The following SORL1 variants were observed in gnomAD, a reference collection of about 807,000 sequenced individuals.
The protein encoded by SORL1 is sortilin related receptor 1, also known as sortilin-related receptor.
A neutral mutation model predicts 273.7 loss-of-function variants in SORL1; 127 were observed. That is an observed-to-expected ratio of 0.46 (90% confidence interval 0.40 to 0.54). The LOEUF is 0.54. Among genes scored for constraint, SORL1 ranks in the 20% least tolerant of loss-of-function variants. The pLI is 0.00. For synonymous variants in SORL1, 1,031 were observed against 1,067.4 expected, an observed-to-expected ratio of 0.97 and a Z score of 0.66; for missense variants, 2,494 against 2,846.1, an observed-to-expected ratio of 0.88 and a Z score of 2.81.
chr11:121,489,453 A>C (rs1291989045), intron 4 of SORL1, among the ~76,000 whole-genome samples: 1 of 152,136 alleles, frequency 6.6e-6, no homozygotes, highest in Non-Finnish European at 1.5e-5. Flanking sequence ...TACTCTAGGT[A>C]CCTCCTAAGT....
intron 21 of SORL1, 102 bp from the exon 22 acceptor site, chr11:121,566,838 C>A: frequency 1.7e-6 from 2 of 1,156,350 alleles, no homozygotes; most frequent in African/African-American, 1.5e-5. Context: ...TCTCGCTGTC[C>A]TTTCCGTAAG....
Position 121,606,827 on chromosome 11 carries a change from A to G in SORL1, c.4949-18A>G, listed in dbSNP as rs981653419. The G allele has an allele frequency of 6.3e-7, 1 of 1,575,750 alleles. No individual in the cohort carries two copies. Among genetic ancestry groups the G allele is most frequent in the Non-Finnish European group, 8.7e-7 (1 of 1,152,320 alleles). Reference sequence around the variant, plus strand: ...GCTATGCAGATGGGTTTTAACCTTGAGTTGACTCTTTTTCTAGTGCCAGAT... The same window carrying G: ...GCTATGCAGATGGGTTTTAACCTTGGGTTGACTCTTTTTCTAGTGCCAGAT... On this transcript the variant is annotated intron_variant, in intron 35 of 47. Transcript: ENST00000260197.
intron 1 of SORL1, among the ~76,000 whole-genome samples, chr11:121,469,556 C>T (rs546252720): frequency 6.6e-6 from 1 of 152,198 alleles, no homozygotes; most frequent in Non-Finnish European, 1.5e-5. Flanking sequence ...ACAGTACCAC[C>T]AAGCCAGAAA....
Position 121,511,838 on chromosome 11 carries a change from A to G in SORL1, c.940-1165A>G, listed in dbSNP as rs1861882674. Among the ~76,000 whole-genome samples the G allele has an allele frequency of 2.0e-5, 3 of 152,232 alleles. No homozygotes were observed. In the South Asian group the frequency reaches 6.2e-4, roughly 32 times the overall value. On this transcript the variant is annotated intron_variant, in intron 6 of 47. Transcript: ENST00000260197. ...GTTATATTGCAGATAAAATAAATGGATATGTTCCTTACTCTATAGGAAGTT... is the reference window on the plus strand; with the variant it reads ...GTTATATTGCAGATAAAATAAATGGGTATGTTCCTTACTCTATAGGAAGTT...
At chr11:121,480,906 T>C (rs1354634123) in intron 3 of SORL1, among the ~76,000 whole-genome samples, 1 of 136,476 alleles carries the variant, frequency 7.3e-6, no homozygotes, top group Non-Finnish European at 1.6e-5. Flanking sequence ...CAGATACCTA[T>C]AGGCAGGCTT....
At chr11:121,480,821 C>T (rs2134799258) in intron 3 of SORL1, among the ~76,000 whole-genome samples, 1 of 149,260 alleles carries the variant, frequency 6.7e-6, no homozygotes, top group East Asian at 2.0e-4. Context: ...TCTCCTCCTC[C>T]CCAGCTCCTC....
intron 25 of SORL1, among the ~76,000 whole-genome samples, chr11:121,579,789 A>C (rs923037832): frequency 5.3e-5 from 8 of 152,256 alleles, no homozygotes; most frequent in Non-Finnish European, 7.3e-5. Context: ...GGTATTACCA[A>C]CTACCTCTGT....
chr11:121,513,153 C>T (rs1591306879), intron 7 of SORL1, 49 bp downstream of exon 7: 1 of 1,349,538 alleles, frequency 7.4e-7, no homozygotes, highest in Non-Finnish European at 1.1e-6. Flanking sequence ...TGTCTTTATG[C>T]AGAGGTCAGA....
At chr11:121,589,135 G>A (rs1863167516) in intron 28 of SORL1, 124 bp from the exon 29 acceptor site, 2 of 1,064,924 alleles carry the variant, frequency 1.9e-6, no homozygotes, top group Non-Finnish European at 1.4e-6. Flanking sequence ...TTCAAGGCAT[G>A]GTTTAGCCAG....
At position 121,614,901 on chromosome 11, in the gene SORL1, A is replaced by T. The variant is rs1475392500; in HGVS notation, c.5450A>T (p.Glu1817Val). The change falls in exon 41 of 48, where the codon GAG (glutamate) becomes GTG (valine). Residue 1817 changes from glutamate (E) to valine (V), a missense_variant. Transcript: ENST00000260197. ...AATCTGACAGCTCATACATCCTATG[A>T]GATTTCTGCCTGGGCCAAGACTGAC... The part of the protein sequence containing the change: ...VGNLTAHTSY[E>V]ISAWAKTDLG... 6.2e-7 allele frequency: 1 copy of T among 1,613,156 alleles called. No individual in the cohort carries two copies. Among genetic ancestry groups the T allele is most frequent in the East Asian group, 2.2e-5 (1 of 44,816 alleles).
At chr11:121,492,943 C>T (rs1861577165) in intron 5 of SORL1, among the ~76,000 whole-genome samples, 1 of 151,482 alleles carries the variant, frequency 6.6e-6, no homozygotes, top group Admixed American at 6.6e-5. Flanking sequence ...GCTGGGATTA[C>T]AGGTGCCTGC....
At position 121,561,603 on chromosome 11, in the gene SORL1, C is replaced by T. The variant is rs546649601; in HGVS notation, c.3049+1946C>T. 9.9e-5 allele frequency among the ~76,000 whole-genome samples: 15 copies of T among 150,844 alleles called. No homozygotes were observed. In the South Asian group the frequency reaches 2.9e-3, roughly 29 times the overall value. ...CCTCAGGAGGCGGAGGTGGGAGCAT[C>T]ACCTGAGCTCGGGAGGTTGAGGCTG... On this transcript the variant is annotated intron_variant, in intron 21 of 47. Coordinates refer to ENST00000260197, the MANE Select transcript of SORL1 (RefSeq NM_003105.6).
intron 43 of SORL1, among the ~76,000 whole-genome samples, 170 bp downstream of exon 43, chr11:121,620,087 AC>A (rs1320969092): frequency 6.6e-6 from 1 of 151,580 alleles, no homozygotes; most frequent in Non-Finnish European, 1.5e-5. Flanking sequence ...CCGTACAGGG[AC>A]CTCTTCTTAG....
intron 41 of SORL1, among the ~76,000 whole-genome samples, chr11:121,615,299 T>C (rs1863624363): frequency 2.0e-5 from 3 of 152,150 alleles, no homozygotes; most frequent in Non-Finnish European, 4.4e-5. Flanking sequence ...CCCCTTTGCT[T>C]TTAGATCAAC....
chr11:121,491,298 A>G (rs1036394162), intron 5 of SORL1, among the ~76,000 whole-genome samples: 1 of 152,222 alleles, frequency 6.6e-6, no homozygotes, highest in African/African-American at 2.4e-5. Context: ...AACAGGCTGT[A>G]CTTCAAGAAG....
At chr11:121,577,166 G>A in intron 24 of SORL1, 115 bp from the exon 25 acceptor site, 2 of 1,350,010 alleles carry the variant, frequency 1.5e-6, no homozygotes, top group South Asian at 2.7e-5. Flanking sequence ...CATGGTCTCT[G>A]TGGATCATTG....
intron 2 of SORL1, among the ~76,000 whole-genome samples, chr11:121,477,893 G>A (rs563447563): frequency 3.3e-5 from 5 of 152,174 alleles, no homozygotes; most frequent in South Asian, 4.2e-4. Context: ...TTAGCTGGGC[G>A]TGGTGGCAGG....
At chr11:121,505,374 ATGT>A (rs1236595296) in intron 6 of SORL1, among the ~76,000 whole-genome samples, 1 of 151,748 alleles carries the variant, frequency 6.6e-6, no homozygotes, top group Non-Finnish European at 1.5e-5. Context: ...AGTTTATTAA[ATGT>A]TGTTAATCTT....
At chr11:121,568,614 A>ATATATATGGATATATATAACTATG (rs1862787620) in intron 22 of SORL1, among the ~76,000 whole-genome samples, 1 of 152,216 alleles carries the variant, frequency 6.6e-6, no homozygotes, top group Non-Finnish European at 1.5e-5. Context: ...GATAGATAGA[A>ATATATATGGATATATATAACTATG]TATATATGGA....
Sources: allele counts gnomAD v4.1 joint callset (sites outside exome capture counted in the v4.1 genomes callset), GRCh38; gene constraint gnomAD v4.1.1; transcripts MANE v1.5; gene names NCBI Gene and HGNC (gene_info 2026-07-23, HGNC 2026-07-21).